Variants in GPATCH2L observed in about 807,000 individuals in gnomAD.
GPATCH2L encodes G-patch domain containing 2 like.
A neutral mutation model predicts 57.4 loss-of-function variants in GPATCH2L; 31 were observed. That is an observed-to-expected ratio of 0.54 (90% confidence interval 0.41 to 0.73). The LOEUF (loss-of-function observed/expected upper bound fraction) is 0.73. Ranked by LOEUF, GPATCH2L falls within the 30% of genes least tolerant of loss-of-function variation. The probability of loss-of-function intolerance (pLI) is 0.00; values close to 1 mark genes in which losing one functional copy is unlikely to be tolerated. For missense variants in GPATCH2L, 481 were observed against 599.9 expected, an observed-to-expected ratio of 0.80 and a Z score of 2.07; for synonymous variants, 199 against 210.7, an observed-to-expected ratio of 0.94 and a Z score of 0.48.
chr14:76,165,816 C>T (rs998001360), intron 2 of GPATCH2L, among the ~76,000 whole-genome samples: 2 of 152,272 alleles, frequency 1.3e-5, no homozygotes, highest in East Asian at 1.9e-4. Context: ...GTGTTTTCTA[C>T]AGCATGGTGA....
At position 76,201,885 on chromosome 14, in the gene GPATCH2L, G is replaced by C; in HGVS notation, c.*34G>C. The C allele has an allele frequency of 6.3e-7, 1 of 1,589,714 alleles. No individual in the cohort carries two copies. The highest frequency in any genetic ancestry group is 8.6e-7 in the Non-Finnish European group (1 of 1,165,176). ...ACTTCACCCTCCAGGAGCTGACTGG[G>C]TGTTGCTGAAGCAAATGTTGGACTT... On this transcript the variant is annotated 3_prime_UTR_variant, in exon 10 of 10. Coordinates refer to ENST00000261530, the MANE Select transcript of GPATCH2L (RefSeq NM_017926.4).
intron 9 of GPATCH2L, among the ~76,000 whole-genome samples, chr14:76,199,082 A>G (rs1412573174): frequency 6.6e-6 from 1 of 152,234 alleles, no homozygotes; most frequent in Non-Finnish European, 1.5e-5. Flanking sequence ...GGGGTATAAA[A>G]GAACATTTAT....
downstream of GPATCH2L, among the ~76,000 whole-genome samples, chr14:76,217,334 T>TG (rs542551961): frequency 1.0e-3 from 152 of 152,312 alleles, no homozygotes; most frequent in Non-Finnish European, 1.8e-3. Context: ...AAAAAGACTG[T>TG]GGACCCATGC....
Position 76,173,586 on chromosome 14 carries a change from T to G in GPATCH2L, c.945T>G (p.Ala315=). ...TRLNRLPGAA[A]RCLRKGRRRL... ...TGAATCGTCTACCTGGAGCTGCAGC[T>G]CGATGCCTCAGAAAGGGGCGAAGAA... is the stretch of plus-strand genomic sequence containing the variant. Residue 315 remains alanine (A), a synonymous_variant, in exon 5 of 10, where the codon GCT becomes GCG. Transcript: ENST00000261530. 2 of 1,613,578 alleles carry G rather than the reference T, an allele frequency of 1.2e-6. No individual in the cohort carries two copies.
chr14:76,229,578 G>T (rs947526902), intron 1 of GPATCH2L, among the ~76,000 whole-genome samples: 7 of 152,064 alleles, frequency 4.6e-5, no homozygotes, highest in Non-Finnish European at 1.0e-4. Flanking sequence ...TCGTTCTCCC[G>T]AGAAGCTGCC....
At position 76,154,576 on chromosome 14, in the gene GPATCH2L, G is replaced by C. The variant is rs201159686; in HGVS notation, c.213G>C (p.Glu71Asp). The change falls in exon 2 of 10, where the codon GAG (glutamate) becomes GAC (aspartate). Residue 71 changes from glutamate to aspartate, a missense_variant. Physicochemically the swap from Glu to Asp is conservative, Grantham distance 45. Coordinates refer to ENST00000261530, the MANE Select transcript of GPATCH2L (RefSeq NM_017926.4). The surrounding 1 kb of genome is among the most constrained non-coding windows in gnomAD (Gnocchi z 4.4). ...YSEASESSLD[E>D]ATKDCREVAP... is the part of the protein sequence containing the mutation. ...AGGCCTCTGAGTCAAGTCTGGATGA[G>C]GCCACTAAGGACTGTCGAGAAGTGG... is the stretch of plus-strand genomic sequence containing the variant. 1 of 1,614,176 alleles carries C rather than the reference G, an allele frequency of 6.2e-7. No homozygotes were observed. Among genetic ancestry groups the C allele is most frequent in the East Asian group, 2.2e-5 (1 of 44,888 alleles).
chr14:76,215,404 T>C (rs938119100), downstream of GPATCH2L, among the ~76,000 whole-genome samples: 10 of 151,942 alleles, frequency 6.6e-5, no homozygotes, highest in African/African-American at 2.4e-4. Context: ...GACCCAGCCA[T>C]CCCATTACTG....
At chr14:76,231,717 G>A (rs188592225) in intron 2 of GPATCH2L, among the ~76,000 whole-genome samples, 7 of 151,100 alleles carry the variant, frequency 4.6e-5, no homozygotes, top group Non-Finnish European at 8.8e-5. Context: ...ATATACAGAA[G>A]TAGAAAATGC....
chr14:76,226,649 C>T (rs141260412), intron 1 of GPATCH2L, among the ~76,000 whole-genome samples: 90 of 152,266 alleles, frequency 5.9e-4, no homozygotes, highest in Middle Eastern at 3.4e-3. Context: ...GAATTAATGA[C>T]GCTATAAAAA....
chr14:76,170,869 G>A (rs2039051836), intron 3 of GPATCH2L: 1 of 152,086 alleles, frequency 6.6e-6, no homozygotes, highest in South Asian at 2.1e-4. Flanking sequence ...TTCAGATCCT[G>A]GCTTCATTGT....
chr14:76,218,682 AAGAT>A (rs369932721), downstream of GPATCH2L, among the ~76,000 whole-genome samples: 594 of 152,196 alleles, frequency 3.9e-3, 4 homozygotes, highest in African/African-American at 0.014. Flanking sequence ...ATATTAAAAA[AAGAT>A]AGAGGGAGAC....
At chr14:76,234,360 G>A (rs2040588224) in intron 2 of GPATCH2L, among the ~76,000 whole-genome samples, 1 of 152,124 alleles carries the variant, frequency 6.6e-6, no homozygotes, top group East Asian at 1.9e-4. Context: ...CCTACCTCTT[G>A]GGGTCTACAG....
chr14:76,211,267 C>A lies in GPATCH2L; in HGVS notation c.*9416C>A, dbSNP rs2040437683. 6.6e-6 allele frequency: 1 copy of A among 152,186 alleles called. No individual in the cohort carries two copies. The highest frequency in any genetic ancestry group is 6.5e-5 in the Admixed American group (1 of 15,274). The allele number at this position is 152,186 out of a possible 1,614,324, so 9.4% of individuals were successfully genotyped here. ...CTGGCTTACTTGTTGAGTTGGAGAACTATTGCCGTATTCCTCTGCTAAGCT... is the reference window on the plus strand; with the variant it reads ...CTGGCTTACTTGTTGAGTTGGAGAAATATTGCCGTATTCCTCTGCTAAGCT... On this transcript the variant is annotated 3_prime_UTR_variant, in exon 10 of 10. Coordinates refer to ENST00000261530, the MANE Select transcript of GPATCH2L (RefSeq NM_017926.4).
Position 76,201,912 on chromosome 14 carries a change from G to C in GPATCH2L, c.*61G>C, listed in dbSNP as rs1006017582. ...GTTGCTGAAGCAAATGTTGGACTTT[G>C]TGTTAGATAGTCTTGCATATCTTAA... On this transcript the variant is annotated 3_prime_UTR_variant, in exon 10 of 10. Coordinates refer to ENST00000261530, the MANE Select transcript of GPATCH2L (RefSeq NM_017926.4). The C allele has an allele frequency of 1.4e-6, 2 of 1,430,972 alleles. No individual in the cohort carries two copies. The highest frequency in any genetic ancestry group is 2.8e-5 in the African/African-American group (2 of 70,332). 88.6% of individuals were successfully genotyped at this position (1,430,972 alleles called of 1,614,324 possible). A position where few individuals can be genotyped will look rare whatever the true frequency, so the allele number is the denominator to read the frequency against.
intron 2 of GPATCH2L, among the ~76,000 whole-genome samples, chr14:76,231,988 C>A (rs2040568844): frequency 2.6e-5 from 4 of 152,262 alleles, no homozygotes; most frequent in Admixed American, 6.5e-5. Context: ...ACTGCAGCCT[C>A]ACTGCAGCCT....
At chr14:76,181,523 A>T (rs2039559878) in intron 8 of GPATCH2L, among the ~76,000 whole-genome samples, 1 of 151,886 alleles carries the variant, frequency 6.6e-6, no homozygotes, top group Non-Finnish European at 1.5e-5. Flanking sequence ...TTCTTTTTTA[A>T]TTTTTTTCTT....
At chr14:76,169,435 C>T (rs2038987951) in intron 3 of GPATCH2L, among the ~76,000 whole-genome samples, 1 of 152,146 alleles carries the variant, frequency 6.6e-6, no homozygotes, top group Non-Finnish European at 1.5e-5. Context: ...AACATAGATT[C>T]TCAGATTGTA....
chr14:76,215,467 G>A (rs561171518), downstream of GPATCH2L, among the ~76,000 whole-genome samples: 242 of 151,648 alleles, frequency 1.6e-3, no homozygotes, highest in African/African-American at 5.4e-3. Context: ...ACATACACAC[G>A]TATGTTTATT....
At chr14:76,222,394 T>C (rs1345153003) in intron 1 of GPATCH2L, among the ~76,000 whole-genome samples, 1 of 152,012 alleles carries the variant, frequency 6.6e-6, no homozygotes, top group African/African-American at 2.4e-5. Flanking sequence ...ATCATTTAAG[T>C]CCAGGAGTTC....
Sources: gnomAD v4.1 joint callset for allele counts (sites outside exome capture counted in the v4.1 genomes callset) on GRCh38, gnomAD v4.1.1 for gene constraint, Gnocchi (gnomAD v3.1) non-coding constraint, MANE v1.5 for transcripts, NCBI Gene and HGNC (gene_info 2026-07-23, HGNC 2026-07-21) for gene names.